UGGT2: variants seen among roughly 807,000 people sequenced by gnomAD.
UGGT2 encodes UDP-glucose:glycoprotein glucosyltransferase 2.
In UGGT2, 180 loss-of-function variants were observed where a neutral mutation model predicts 192.1. The ratio of observed to expected loss-of-function variants is 0.94; its 90% CI spans 0.83 to 1.06. UGGT2 has a LOEUF of 1.06. Among genes scored for constraint, UGGT2 ranks in the 50% least tolerant of loss-of-function variants. UGGT2 has a pLI of 0.00. For synonymous variants in UGGT2, 580 were observed against 591.0 expected, an observed-to-expected ratio of 0.98 and a Z score of 0.27; for missense variants, 1,849 against 1,795.7, an observed-to-expected ratio of 1.03 and a Z score of -0.54.
chr13:95,887,218 A>G (rs1030587424), intron 26 of UGGT2: 3 of 478,612 alleles, frequency 6.3e-6, no homozygotes, highest in African/African-American at 5.9e-5. Context: ...TAAATAATAC[A>G]GAGATGAGCA....
chr13:96,052,657 T>C (rs1000489121), intron 1 of UGGT2, among the ~76,000 whole-genome samples: 12 of 152,144 alleles, frequency 7.9e-5, no homozygotes, highest in African/African-American at 2.9e-4. Context: ...CAAAATGCAA[T>C]AGCTACAAGT....
intron 17 of UGGT2, among the ~76,000 whole-genome samples, chr13:95,928,116 C>A (rs1045188225): frequency 9.8e-5 from 15 of 152,332 alleles, no homozygotes; most frequent in African/African-American, 3.6e-4. Flanking sequence ...CCCCACATTT[C>A]CCCCTTTTCT....
chr13:96,047,257 C>A (rs1423252470), intron 1 of UGGT2, among the ~76,000 whole-genome samples: 1 of 152,156 alleles, frequency 6.6e-6, no homozygotes, highest in Non-Finnish European at 1.5e-5. Context: ...GCCGGGTGCC[C>A]CTCTGAGACG....
chr13:95,891,199 C>A (rs2047791792), intron 24 of UGGT2, among the ~76,000 whole-genome samples: 1 of 151,930 alleles, frequency 6.6e-6, no homozygotes, highest in East Asian at 1.9e-4. Context: ...TTTTTAAAAG[C>A]CTTTCAAAGA....
chr13:95,824,640 T>C (rs1228657908), intron 38 of UGGT2, among the ~76,000 whole-genome samples: 7 of 152,142 alleles, frequency 4.6e-5, no homozygotes, highest in Non-Finnish European at 1.0e-4. Flanking sequence ...AGAGTTCTGA[T>C]TGATTTTTCT....
At chr13:95,902,277 C>T (rs1233954603) in intron 21 of UGGT2, among the ~76,000 whole-genome samples, 2 of 151,986 alleles carry the variant, frequency 1.3e-5, no homozygotes, top group Non-Finnish European at 2.9e-5. Context: ...TTTTTGTCCT[C>T]GACCCTTTAA....
intron 5 of UGGT2, among the ~76,000 whole-genome samples, chr13:96,011,817 T>G (rs539722058): frequency 2.0e-4 from 31 of 152,212 alleles, no homozygotes; most frequent in African/African-American, 6.7e-4. Flanking sequence ...AAAAGACATC[T>G]GACTAGATTG....
intron 20 of UGGT2, among the ~76,000 whole-genome samples, chr13:95,903,547 A>G (rs1431256372): frequency 6.6e-6 from 1 of 152,178 alleles, no homozygotes; most frequent in Non-Finnish European, 1.5e-5. Flanking sequence ...ACTGCTAAAC[A>G]TTTAATCAAT....
At chr13:95,976,214 T>G (rs778587403) in intron 10 of UGGT2, among the ~76,000 whole-genome samples, 3 of 152,190 alleles carry the variant, frequency 2.0e-5, no homozygotes, top group Non-Finnish European at 4.4e-5. Flanking sequence ...TTATTTCACT[T>G]AACATAATGT....
chr13:95,974,526 A>G (rs979714298), intron 10 of UGGT2, among the ~76,000 whole-genome samples: 5 of 152,212 alleles, frequency 3.3e-5, no homozygotes, highest in Non-Finnish European at 4.4e-5. Flanking sequence ...GAAAACAGGT[A>G]ACAGACTGAA....
At chr13:96,039,473 A>C (rs2053102710) in intron 1 of UGGT2, among the ~76,000 whole-genome samples, 1 of 152,112 alleles carries the variant, frequency 6.6e-6, no homozygotes, top group Non-Finnish European at 1.5e-5. Flanking sequence ...CCCATGAATC[A>C]CATGCTTAAC....
chr13:95,813,549 C>A (rs187811444), intron 38 of UGGT2, among the ~76,000 whole-genome samples: 1 of 152,220 alleles, frequency 6.6e-6, no homozygotes, highest in East Asian at 1.9e-4. Flanking sequence ...AAAGTTGGAA[C>A]TTTTAAAAGG....
At chr13:96,028,219 A>G (rs2052725371) in intron 2 of UGGT2, among the ~76,000 whole-genome samples, 1 of 152,226 alleles carries the variant, frequency 6.6e-6, no homozygotes, top group South Asian at 2.1e-4. Context: ...TTATATTTGG[A>G]TATTTCACAA....
At chr13:95,994,262 T>A (rs181583050) in intron 7 of UGGT2, among the ~76,000 whole-genome samples, 1 of 152,064 alleles carries the variant, frequency 6.6e-6, no homozygotes, top group Non-Finnish European at 1.5e-5. Flanking sequence ...ACTTTATGAA[T>A]GTCAGATGTA....
chr13:96,001,764 T>C (rs1361630690), intron 5 of UGGT2, among the ~76,000 whole-genome samples: 3 of 152,224 alleles, frequency 2.0e-5, no homozygotes, highest in South Asian at 4.1e-4. Context: ...CAGTTACTTA[T>C]AGATTTTCTC....
intron 24 of UGGT2, 41 bp downstream of exon 24, chr13:95,894,521 A>G: frequency 2.0e-6 from 3 of 1,528,632 alleles, no homozygotes; most frequent in Non-Finnish European, 2.7e-6. Flanking sequence ...AATTGCATGC[A>G]TTAACAGAAA....
intron 1 of UGGT2, among the ~76,000 whole-genome samples, chr13:96,036,479 C>T (rs555782014): frequency 6.6e-6 from 1 of 152,124 alleles, no homozygotes; most frequent in East Asian, 1.9e-4. Context: ...ATAGTTTGAT[C>T]TGTGCAGCAA....
intron 1 of UGGT2, among the ~76,000 whole-genome samples, chr13:96,052,874 A>G (rs904159939): frequency 6.6e-6 from 1 of 152,242 alleles, no homozygotes; most frequent in Non-Finnish European, 1.5e-5. Flanking sequence ...TGCCACGCGT[A>G]AATGCTAATA....
chr13:95,834,791 C>T (rs1887108484), intron 37 of UGGT2, among the ~76,000 whole-genome samples: 2 of 152,074 alleles, frequency 1.3e-5, no homozygotes, highest in Admixed American at 6.6e-5. Context: ...GATATGGCCA[C>T]GTGACCAACT....
Sources: allele counts gnomAD v4.1 joint callset (sites outside exome capture counted in the v4.1 genomes callset), GRCh38; gene constraint gnomAD v4.1.1; transcripts MANE v1.5; gene names NCBI Gene and HGNC (gene_info 2026-07-23, HGNC 2026-07-21).